NTN4: variants seen among roughly 807,000 people sequenced by gnomAD.
The protein encoded by NTN4 is netrin 4, also known as netrin-4.
NTN4 carries 32 observed loss-of-function variants against 73.6 expected under a neutral mutation model. That is an observed-to-expected ratio of 0.44 (90% CI 0.33 to 0.58). The LOEUF is 0.58. NTN4 is among the 20% of genes least tolerant of loss of function. The pLI is 0.04. For missense variants in NTN4, 654 were observed against 798.3 expected (o/e 0.82, Z 2.18); for synonymous variants, 258 against 287.5 (o/e 0.90, Z 1.04).
At chr12:95,759,491 G>GT (rs61286357) in intron 2 of NTN4, among the ~76,000 whole-genome samples, 26,268 of 136,196 alleles carry the variant, frequency 0.19, 2,799 homozygotes, top group African/African-American at 0.22. Flanking sequence ...TAGTATTTTT[G>GT]TTTTTTTTTT....
intron 2 of NTN4, among the ~76,000 whole-genome samples, chr12:95,775,694 T>A (rs1392775254): frequency 6.6e-6 from 1 of 152,240 alleles, no homozygotes; most frequent in Non-Finnish European, 1.5e-5. Flanking sequence ...AAGCTTGAAC[T>A]GGGTGGAGCC....
chr12:95,752,332 T>G, intron 2 of NTN4, among the ~76,000 whole-genome samples: 1 of 151,044 alleles, frequency 6.6e-6, no homozygotes, highest in African/African-American at 2.4e-5. Context: ...GTTTTGCCTA[T>G]CCACCCCGTG....
intron 3 of NTN4, among the ~76,000 whole-genome samples, chr12:95,714,563 G>T (rs1166385934): frequency 6.6e-6 from 1 of 152,118 alleles, no homozygotes; most frequent in Non-Finnish European, 1.5e-5. Context: ...ATGTATAATA[G>T]CTGGAGAAAA....
chr12:95,716,080 CA>C (rs34692653), intron 3 of NTN4, among the ~76,000 whole-genome samples: 51 of 138,580 alleles, frequency 3.7e-4, no homozygotes, highest in East Asian at 3.1e-3. Context: ...TCCTACATGT[CA>C]AAAAAAAAAA....
intron 3 of NTN4, among the ~76,000 whole-genome samples, chr12:95,720,805 G>C (rs2078642380): frequency 6.6e-6 from 1 of 152,104 alleles, no homozygotes; most frequent in South Asian, 2.1e-4. Flanking sequence ...AAGGAATGTG[G>C]GTCAGTTATG....
chr12:95,658,194 G>A lies in NTN4; in HGVS notation c.*892C>T, dbSNP rs1039338336. On this transcript the variant is annotated 3_prime_UTR_variant, in exon 10 of 10. Coordinates refer to ENST00000343702, the MANE Select transcript of NTN4 (RefSeq NM_021229.4). ...AATAATTTTTGAAGTGTATACAAGT[G>A]CATTGCAAATGAGCTCTTTAAAATT... The A allele has an allele frequency of 4.6e-5, 7 of 152,154 alleles. No individual in the cohort carries two copies. The highest frequency in any genetic ancestry group is 8.8e-5 in the Non-Finnish European group (6 of 68,026). 9.4% of individuals were successfully genotyped at this position (152,154 alleles called of 1,614,324 possible). A position where few individuals can be genotyped will look rare whatever the true frequency, so the allele number is the denominator to read the frequency against.
At chr12:95,762,363 A>G (rs528230197) in intron 2 of NTN4, among the ~76,000 whole-genome samples, 3 of 152,240 alleles carry the variant, frequency 2.0e-5, no homozygotes, top group African/African-American at 7.2e-5. Context: ...ACTAGGCAGC[A>G]TAGGGCCACT....
intron 2 of NTN4, among the ~76,000 whole-genome samples, chr12:95,748,558 A>G (rs2078879803): frequency 1.4e-5 from 2 of 147,018 alleles, no homozygotes; most frequent in South Asian, 4.3e-4. Context: ...GCTCACTGCA[A>G]CCTCCCGGTT....
chr12:95,667,716 T>C (rs2078192710), intron 8 of NTN4, among the ~76,000 whole-genome samples: 1 of 151,792 alleles, frequency 6.6e-6, no homozygotes, highest in Non-Finnish European at 1.5e-5. Context: ...AAAATTTAGC[T>C]GGGTGTGGTG....
At chr12:95,689,529 C>G (rs1033895563) in intron 5 of NTN4, among the ~76,000 whole-genome samples, 34 of 152,184 alleles carry the variant, frequency 2.2e-4, no homozygotes, top group South Asian at 1.2e-3. Flanking sequence ...AATGTCACCC[C>G]TAAGGGTTGC....
intron 9 of NTN4, among the ~76,000 whole-genome samples, chr12:95,659,612 T>TTC (rs2078120371): frequency 6.6e-6 from 1 of 152,114 alleles, no homozygotes; most frequent in Non-Finnish European, 1.5e-5. Context: ...CCAGCAGTTT[T>TTC]ATATATTCAG....
chr12:95,769,756 T>TC (rs1237956552), intron 2 of NTN4, among the ~76,000 whole-genome samples: 11 of 65,246 alleles, frequency 1.7e-4, no homozygotes, highest in Non-Finnish European at 3.7e-4. Context: ...TCAATCTTTT[T>TC]TTTTTTTTTT....
intron 7 of NTN4, among the ~76,000 whole-genome samples, chr12:95,679,078 C>T (rs886165095): frequency 1.3e-5 from 2 of 152,066 alleles, no homozygotes; most frequent in African/African-American, 4.8e-5. Context: ...TGGGACTACT[C>T]AATATTACAA....
chr12:95,731,907 A>G (rs1457000709), intron 3 of NTN4, among the ~76,000 whole-genome samples: 7 of 151,754 alleles, frequency 4.6e-5, no homozygotes, highest in Non-Finnish European at 1.0e-4. Flanking sequence ...AAATAATGAT[A>G]CTCCATGTAG....
Position 95,681,188 on chromosome 12 carries a change from C to CAAAAA in NTN4, c.1510+1514_1510+1518dup, listed in dbSNP as rs11366396. 3.4e-4 allele frequency among the ~76,000 whole-genome samples: 32 copies of CAAAAA among 95,462 alleles called. 1 individual carries two copies. The highest frequency in any genetic ancestry group is 1.3e-3 in the African/African-American group (32 of 24,710). The allele number at this position is 95,462 out of a possible 152,430, so 62.6% of individuals were successfully genotyped here. A position where few individuals can be genotyped will look rare whatever the true frequency, so the allele number is the denominator to read the frequency against. On this transcript the variant is annotated intron_variant, in intron 7 of 9. Transcript: ENST00000343702. The stretch of plus-strand genomic sequence containing the variant: ...TGGGCAACAGAGTGAGACTTTGTCT[C>CAAAAA]AAAAAAAAAAAAAAAAAAAAAGAGT...
At chr12:95,692,198 G>T (rs1210942554) in intron 5 of NTN4, among the ~76,000 whole-genome samples, 1 of 152,036 alleles carries the variant, frequency 6.6e-6, no homozygotes, top group East Asian at 1.9e-4. Flanking sequence ...ACCACGCCCA[G>T]CTAATTTTTG....
At chr12:95,757,306 GAGA>G (rs2078953292) in intron 2 of NTN4, among the ~76,000 whole-genome samples, 1 of 152,058 alleles carries the variant, frequency 6.6e-6, no homozygotes, top group African/African-American at 2.4e-5. Flanking sequence ...CAGAAACTCT[GAGA>G]AGATGTTAAT....
chr12:95,693,940 T>C (rs1002179554), intron 5 of NTN4, among the ~76,000 whole-genome samples: 7 of 152,012 alleles, frequency 4.6e-5, no homozygotes, highest in African/African-American at 1.7e-4. Flanking sequence ...GGAACCATTA[T>C]GGCTCCCTTT....
At chr12:95,760,404 C>T (rs1056043821) in intron 2 of NTN4, among the ~76,000 whole-genome samples, 5 of 152,192 alleles carry the variant, frequency 3.3e-5, no homozygotes, top group African/African-American at 1.2e-4. Context: ...CTTAAGGAGA[C>T]CTTTGTGTAC....
Sources: allele counts gnomAD v4.1 joint callset (sites outside exome capture counted in the v4.1 genomes callset), GRCh38; gene constraint gnomAD v4.1.1; transcripts MANE v1.5; gene names NCBI Gene and HGNC (gene_info 2026-07-23, HGNC 2026-07-21).